The following TSNAXIP1 variants were observed in gnomAD, a reference collection of about 807,000 sequenced individuals.
TSNAXIP1 encodes the protein translin associated factor X interacting protein 1.
Under a neutral mutation model 84.8 loss-of-function variants are expected in TSNAXIP1, and 89 were observed. The ratio of observed to expected loss-of-function variants is 1.05; its 90% CI spans 0.88 to 1.25. The LOEUF (loss-of-function observed/expected upper bound fraction) is 1.25. Among genes scored for constraint, TSNAXIP1 ranks in the 50% most tolerant of loss-of-function variants. The probability of loss-of-function intolerance (pLI) is 0.00; values close to 1 mark genes in which losing one functional copy is unlikely to be tolerated. For synonymous variants in TSNAXIP1, 347 were observed against 335.2 expected, an observed-to-expected ratio of 1.04 and a Z score of -0.39; for missense variants, 874 against 887.6, an observed-to-expected ratio of 0.98 and a Z score of 0.20.
At chr16:67,827,621 C>T (rs1353225982) in intron 15 of TSNAXIP1, 42 bp downstream of exon 15, 2 of 1,612,026 alleles carry the variant, frequency 1.2e-6, no homozygotes, top group South Asian at 1.1e-5. Flanking sequence ...CAGGCTGGGC[C>T]CCTGAAGCCC....
intron 9 of TSNAXIP1, 22 bp downstream of exon 9, chr16:67,826,098 C>T (rs1211733882): frequency 1.2e-6 from 2 of 1,613,230 alleles, no homozygotes; most frequent in African/African-American, 1.3e-5. Context: ...CGGCAGGGCC[C>T]CAGGTCCTGC....
intron 4 of TSNAXIP1, among the ~76,000 whole-genome samples, chr16:67,822,144 T>G (rs1200774678): frequency 6.6e-6 from 1 of 151,062 alleles, no homozygotes; most frequent in Non-Finnish European, 1.5e-5. Context: ...CCAGGTGTGG[T>G]GGCAGGCACC....
At chr16:67,808,064 G>A (rs1032132890) in intron 1 of TSNAXIP1, among the ~76,000 whole-genome samples, 1 of 152,138 alleles carries the variant, frequency 6.6e-6, no homozygotes, top group African/African-American at 2.4e-5. Flanking sequence ...TCAAACATGG[G>A]AATGATACAG....
intron 7 of TSNAXIP1, 130 bp downstream of exon 7, chr16:67,825,402 T>C: frequency 3.0e-6 from 4 of 1,315,174 alleles, no homozygotes; most frequent in Non-Finnish European, 4.2e-6. Context: ...AGGGGAGATG[T>C]CCCTGCCTCC....
chr16:67,822,148 A>G (rs748552951), intron 4 of TSNAXIP1, among the ~76,000 whole-genome samples: 30 of 151,080 alleles, frequency 2.0e-4, no homozygotes, highest in Non-Finnish European at 3.4e-4. Context: ...GTGTGGTGGC[A>G]GGCACCTGTA....
At chr16:67,817,142 GT>G (rs746187058) in intron 2 of TSNAXIP1, among the ~76,000 whole-genome samples, 10 of 141,674 alleles carry the variant, frequency 7.1e-5, no homozygotes, top group African/African-American at 5.2e-5. Flanking sequence ...ATTTTTTGCG[GT>G]TTTTTTTTTG....
chr16:67,824,508 C>T (rs2057298088), intron 5 of TSNAXIP1, 75 bp from the exon 6 acceptor site: 2 of 1,452,800 alleles, frequency 1.4e-6, no homozygotes, highest in Admixed American at 2.0e-5. Flanking sequence ...AGCCACTCAC[C>T]CATGACCTTA....
At chr16:67,823,536 C>A in intron 4 of TSNAXIP1, 90 bp from the exon 5 acceptor site, 1 of 1,032,702 alleles carries the variant, frequency 9.7e-7, no homozygotes, top group Non-Finnish European at 1.5e-6. Flanking sequence ...GAGCGACACT[C>A]CGTCTCAGGA....
At position 67,825,855 on chromosome 16, in the gene TSNAXIP1, G is replaced by C. The variant is rs760804749; in HGVS notation, c.984+19G>C. ...GGAGCAGGTGCTGGCAGGCAGGCAG[G>C]GCCAGGAGGGTAGGACGGGGTCTCA... On this transcript the variant is annotated intron_variant, in intron 8 of 15. Coordinates refer to ENST00000561639, the MANE Select transcript of TSNAXIP1 (RefSeq NM_001288990.3). 3 of 1,614,120 alleles carry C rather than the reference G, an allele frequency of 1.9e-6. No homozygotes were observed. The highest frequency in any genetic ancestry group is 2.5e-6 in the Non-Finnish European group (3 of 1,180,022).
Position 67,826,565 on chromosome 16 carries a change from CA to C in TSNAXIP1, c.1401+4del. On this transcript the variant is annotated splice_donor_region_variant and intron_variant, in intron 11 of 15. Transcript: ENST00000561639. ...AGGAACGTCTTGCTGAGGAGCAGGT[CA>C]GATCTCACCAGCCACTCTGGCCCAG... 6.2e-7 allele frequency: 1 copy of C among 1,614,106 alleles called. No homozygotes were observed. Among genetic ancestry groups the C allele is most frequent in the Non-Finnish European group, 8.5e-7 (1 of 1,179,998 alleles).
rs1329533199 is a variant in TSNAXIP1, at chr16:67,827,800, T to G, written c.1946T>G (p.Ile649Ser). The change falls in exon 16 of 16, where the codon ATC becomes AGC. Residue 649 changes from isoleucine (I) to serine (S), a missense_variant. Physicochemically the swap from Ile to Ser is moderately radical, Grantham distance 142 (BLOSUM62 -2). Coordinates refer to ENST00000561639, the MANE Select transcript of TSNAXIP1 (RefSeq NM_001288990.3). ...LPKLRGGLMT[I>S]DPSLDKQTVN... ...AAGCTGCGAGGGGGCCTGATGACCA[T>G]CGACCCCAGCCTGGACAAGCAGACA... The G allele has an allele frequency of 6.2e-7, 1 of 1,613,984 alleles. No individual in the cohort carries two copies. The highest frequency in any genetic ancestry group is 8.5e-7 in the Non-Finnish European group (1 of 1,180,002).
At chr16:67,823,125 A>G (rs2057188666) in intron 4 of TSNAXIP1, among the ~76,000 whole-genome samples, 1 of 152,218 alleles carries the variant, frequency 6.6e-6, no homozygotes, top group Non-Finnish European at 1.5e-5. Context: ...CAGCATCAGG[A>G]CAGGCCTCCA....
rs751043247 is a variant in TSNAXIP1 at position 67,825,273 on chromosome 16, G to T, written c.814+1G>T. 3.1e-6 allele frequency: 5 copies of T among 1,613,984 alleles called. No individual in the cohort carries two copies. The South Asian group carries it at 5.5e-5, about 18-fold the overall frequency. On this transcript the variant is annotated splice_donor_variant, in intron 7 of 15. Coordinates refer to ENST00000561639, the MANE Select transcript of TSNAXIP1 (RefSeq NM_001288990.3). LOFTEE classifies it high-confidence loss of function. ...GACATGTCATTAGCCCAGTCGCCAG[G>T]TAAGCCTGAATTGGGAATCGGGTTT...
Position 67,821,174 on chromosome 16 carries a change from G to A in TSNAXIP1, c.336G>A (p.Glu112=), listed in dbSNP as rs2057020194. The change falls in exon 4 of 16, where the codon GAG becomes GAA. Residue 112 remains glutamate (E), a synonymous_variant. Transcript: ENST00000561639. ...AACTGGAAAACTACCTACGCAAGGA[G>A]CTCCTCCTGCTGGACCTGGGCACAG... is the stretch of plus-strand genomic sequence containing the variant. ...LEELENYLRK[E]LLLLDLGTDS... 5.0e-6 allele frequency: 8 copies of A among 1,609,024 alleles called. No homozygotes were observed. The African/African-American group carries it at 5.3e-5, about 11-fold the overall frequency.
At chr16:67,810,966 TGACC>T (rs1170963362) in intron 1 of TSNAXIP1, among the ~76,000 whole-genome samples, 4 of 151,852 alleles carry the variant, frequency 2.6e-5, no homozygotes, top group African/African-American at 9.7e-5. Context: ...CTCGATCTCC[TGACC>T]TCATGTCTTT....
In TSNAXIP1 at chr16:67,806,915, G is replaced by A. The variant is rs923687400; in HGVS notation, c.-235G>A. On this transcript the variant is annotated 5_prime_UTR_variant, in exon 1 of 16. Coordinates refer to ENST00000561639, the MANE Select transcript of TSNAXIP1 (RefSeq NM_001288990.3). ...TCCCCCTGCCTCAGTTCTGGTACCT[G>A]GGGTCAAATCGGCTGTAGTGGTTGA... 6 of 630,058 alleles carry A rather than the reference G, an allele frequency of 9.5e-6. No homozygotes were observed. The highest frequency in any genetic ancestry group is 1.8e-5 in the African/African-American group (1 of 54,278). The allele number at this position is 630,058 out of a possible 1,614,324, so 39.0% of individuals were successfully genotyped here.
chr16:67,809,037 A>G (rs2055771455), intron 1 of TSNAXIP1, among the ~76,000 whole-genome samples: 1 of 145,134 alleles, frequency 6.9e-6, no homozygotes, highest in South Asian at 2.3e-4. Flanking sequence ...TAATAATAAT[A>G]ATAATAATAA....
intron 15 of TSNAXIP1, 52 bp from the exon 16 acceptor site, chr16:67,827,701 G>C (rs1317177286): frequency 1.2e-6 from 2 of 1,611,484 alleles, no homozygotes; most frequent in African/African-American, 2.7e-5. Flanking sequence ...CTGGGAGTCT[G>C]GGGCACGGAG....
At chr16:67,822,611 C>G (rs2057150726) in intron 4 of TSNAXIP1, among the ~76,000 whole-genome samples, 1 of 151,778 alleles carries the variant, frequency 6.6e-6, no homozygotes. Context: ...ACCCAGATAC[C>G]AGTGTATAGT....
Sources: gnomAD v4.1 joint callset for allele counts (sites outside exome capture counted in the v4.1 genomes callset) on GRCh38, gnomAD v4.1.1 for gene constraint, MANE v1.5 for transcripts, NCBI Gene and HGNC (gene_info 2026-07-23, HGNC 2026-07-21) for gene names.